The following TNFAIP8 variants were observed in gnomAD, a reference collection of about 807,000 sequenced individuals.
TNFAIP8 encodes the protein TNF alpha induced protein 8, also known as tumor necrosis factor alpha-induced protein 8.
Under a neutral mutation model 13.3 loss-of-function variants are expected in TNFAIP8, and 7 were observed. That is an observed-to-expected ratio of 0.52 (90% confidence interval 0.30 to 0.99). The LOEUF (loss-of-function observed/expected upper bound fraction) is 0.99, where lower values mean the gene tolerates loss of function less well. Ranked by LOEUF, TNFAIP8 falls within the 50% of genes least tolerant of loss-of-function variation. The pLI, the probability that TNFAIP8 is intolerant of heterozygous loss-of-function variation, is 0.07. For synonymous variants in TNFAIP8, 94 were observed against 87.6 expected (o/e 1.07, Z -0.41); for missense variants, 258 against 236.9 (o/e 1.09, Z -0.58).
chr5:119,316,155 TCCA>T (rs1749887448), intron 1 of TNFAIP8: 2 of 142,662 alleles, frequency 1.4e-5, no homozygotes, highest in Admixed American at 1.5e-4. Context: ...TTCTAGTTCT[TCCA>T]CTTTTTTTTT....
chr5:119,344,489 T>A (rs1750836308), intron 1 of TNFAIP8, among the ~76,000 whole-genome samples: 1 of 152,224 alleles, frequency 6.6e-6, no homozygotes, highest in Admixed American at 6.5e-5. Flanking sequence ...ATAGCTGGCA[T>A]CCTGGGAATG....
In TNFAIP8 at chr5:119,394,178, A is replaced by C. The variant is rs983874684; in HGVS notation, c.*797A>C. 5 of 152,190 alleles carry C rather than the reference A, an allele frequency of 3.3e-5. No individual in the cohort carries two copies. Among genetic ancestry groups the C allele is most frequent in the African/African-American group, 1.2e-4 (5 of 41,428 alleles). 9.4% of individuals were successfully genotyped at this position (152,190 alleles called of 1,614,324 possible). ...CCATTTCACATGTAAGAGACAAAAA[A>C]GTCTAGATTGGTCTTGATATTGAGA... On this transcript the variant is annotated 3_prime_UTR_variant, in exon 2 of 2. Coordinates refer to ENST00000504771, the MANE Select transcript of TNFAIP8 (RefSeq NM_014350.4).
chr5:119,384,528 C>T (rs1486228133), intron 1 of TNFAIP8, among the ~76,000 whole-genome samples: 2 of 152,024 alleles, frequency 1.3e-5, no homozygotes, highest in Non-Finnish European at 2.9e-5. Flanking sequence ...AAGTTCTAGG[C>T]GGTTCCAGGG....
At chr5:119,317,755 T>C (rs1442296484) in intron 1 of TNFAIP8, among the ~76,000 whole-genome samples, 1 of 152,020 alleles carries the variant, frequency 6.6e-6, no homozygotes, top group African/African-American at 2.4e-5. Flanking sequence ...TAGGCCACCA[T>C]GCTGGCTAAT....
At chr5:119,361,529 A>G (rs1751634363) in intron 1 of TNFAIP8, among the ~76,000 whole-genome samples, 1 of 152,220 alleles carries the variant, frequency 6.6e-6, no homozygotes. Context: ...AGTTAATTTT[A>G]TAAGTAACTA....
intron 1 of TNFAIP8, among the ~76,000 whole-genome samples, chr5:119,385,974 A>T (rs1580448489): frequency 6.6e-6 from 1 of 152,350 alleles, no homozygotes; most frequent in African/African-American, 2.4e-5. Context: ...GAGGAAGCCG[A>T]GTACCAGTAA....
intron 1 of TNFAIP8, among the ~76,000 whole-genome samples, chr5:119,328,727 T>TTAAG (rs1021832204): frequency 6.6e-6 from 1 of 152,228 alleles, no homozygotes; most frequent in African/African-American, 2.4e-5. Flanking sequence ...GTTCCCTTAT[T>TTAAG]AGCCAGAATT....
chr5:119,341,055 T>G (rs996695005), intron 1 of TNFAIP8, among the ~76,000 whole-genome samples: 4 of 151,404 alleles, frequency 2.6e-5, no homozygotes, highest in Non-Finnish European at 4.4e-5. Context: ...TATTCAGGGC[T>G]GGTAAGCTTC....
intron 1 of TNFAIP8, among the ~76,000 whole-genome samples, chr5:119,324,274 C>CAAAAAAAAAAAAAAAA (rs56104829): frequency 3.9e-5 from 3 of 77,678 alleles, no homozygotes; most frequent in Non-Finnish European, 7.6e-5. Flanking sequence ...GACGCCATCT[C>CAAAAAAAAAAAAAAAA]AAAAAAAAAA....
intron 1 of TNFAIP8, among the ~76,000 whole-genome samples, chr5:119,366,537 G>C (rs1014408847): frequency 2.0e-5 from 3 of 152,206 alleles, no homozygotes; most frequent in Non-Finnish European, 2.9e-5. Context: ...CCTCAAAAAA[G>C]CTTGAAAATG....
intron 1 of TNFAIP8, among the ~76,000 whole-genome samples, chr5:119,289,647 G>C (rs1031773029): frequency 6.6e-6 from 1 of 152,172 alleles, no homozygotes; most frequent in Non-Finnish European, 1.5e-5. Context: ...CATGGCTGCT[G>C]TTTATTATTG....
chr5:119,296,812 T>C (rs1162059438), intron 1 of TNFAIP8, among the ~76,000 whole-genome samples: 1 of 152,064 alleles, frequency 6.6e-6, no homozygotes, highest in Non-Finnish European at 1.5e-5. Context: ...GAGCCTGTTA[T>C]TGGTCTATTC....
intron 1 of TNFAIP8, among the ~76,000 whole-genome samples, chr5:119,383,533 C>T (rs528866081): frequency 1.3e-5 from 2 of 152,268 alleles, no homozygotes; most frequent in Non-Finnish European, 2.9e-5. Flanking sequence ...CATTTTATGT[C>T]CTAGTTTTAT....
intron 1 of TNFAIP8, among the ~76,000 whole-genome samples, chr5:119,340,247 G>T (rs921307319): frequency 6.6e-6 from 1 of 152,188 alleles, no homozygotes; most frequent in East Asian, 1.9e-4. Context: ...GGAAATATAC[G>T]CACAGGGGGC....
Position 119,383,232 on chromosome 5 carries a change from AATCCTTAT to A in TNFAIP8, c.32-9583_32-9576del, listed in dbSNP as rs140505231. On this transcript the variant is annotated intron_variant, in intron 1 of 1. Coordinates refer to ENST00000504771, the MANE Select transcript of TNFAIP8 (RefSeq NM_014350.4). ...TTCTCAGGTCTTGAATATTTAGGTA[AATCCTTAT>A]TTTTGACACTTTCTTATTTAGTCAT... Among the ~76,000 whole-genome samples the A allele has an allele frequency of 5.3e-3, 809 of 152,292 alleles. 5 individuals carry two copies. Among genetic ancestry groups the A allele is most frequent in the African/African-American group, 0.018 (764 of 41,558 alleles).
At chr5:119,359,705 C>T (rs949602401) in intron 1 of TNFAIP8, among the ~76,000 whole-genome samples, 1 of 152,206 alleles carries the variant, frequency 6.6e-6, no homozygotes, top group Non-Finnish European at 1.5e-5. Flanking sequence ...TCATTCATCA[C>T]TAAGGACTAT....
intron 1 of TNFAIP8, among the ~76,000 whole-genome samples, chr5:119,337,815 G>A (rs1750603154): frequency 6.6e-6 from 1 of 152,160 alleles, no homozygotes; most frequent in Non-Finnish European, 1.5e-5. Flanking sequence ...ACCAAAGAAA[G>A]CCTCATTAAC....
intron 1 of TNFAIP8, chr5:119,333,278 TG>T (rs1750441355): frequency 9.2e-7 from 1 of 1,092,590 alleles, no homozygotes; most frequent in African/African-American, 1.6e-5. Flanking sequence ...CCATCCCTGT[TG>T]TGAATGTGGA....
chr5:119,308,222 C>A (rs1238325805), intron 1 of TNFAIP8, among the ~76,000 whole-genome samples: 1 of 152,020 alleles, frequency 6.6e-6, no homozygotes, highest in Non-Finnish European at 1.5e-5. Context: ...GACAGCATTC[C>A]CTCTTTCCTG....
Sources: gnomAD v4.1 joint callset for allele counts (sites outside exome capture counted in the v4.1 genomes callset) on GRCh38, gnomAD v4.1.1 for gene constraint, MANE v1.5 for transcripts, NCBI Gene and HGNC (gene_info 2026-07-23, HGNC 2026-07-21) for gene names.